The following PRELID2 variants were observed in gnomAD, a reference collection of about 807,000 sequenced individuals.
PRELID2 encodes the protein PRELI domain containing 2.
Under a neutral mutation model 28.4 loss-of-function variants are expected in PRELID2, and 25 were observed. The observed-to-expected ratio is 0.88, with a 90% CI of 0.64 to 1.23. The LOEUF is 1.23. PRELID2 is among the 50% of genes most tolerant of loss of function. The pLI, the probability that PRELID2 is intolerant of heterozygous loss-of-function variation, is 0.00. For missense variants in PRELID2, 201 were observed against 214.4 expected, an observed-to-expected ratio of 0.94 and a Z score of 0.39; for synonymous variants, 76 against 71.6, an observed-to-expected ratio of 1.06 and a Z score of -0.31.
chr5:145,558,266 A>C (rs1242146568), intron 1 of PRELID2, among the ~76,000 whole-genome samples: 1 of 152,268 alleles, frequency 6.6e-6, no homozygotes, highest in Non-Finnish European at 1.5e-5. Context: ...ATAATTAATC[A>C]GAAAAGATAT....
chr5:145,767,233 T>C (rs1757819743), intron 5 of PRELID2, among the ~76,000 whole-genome samples: 1 of 148,228 alleles, frequency 6.7e-6, no homozygotes. Context: ...GAGAAGCAGC[T>C]TGACTTCAGA....
intron 1 of PRELID2, among the ~76,000 whole-genome samples, chr5:145,638,863 TAATGAA>T (rs1477196278): frequency 1.3e-5 from 2 of 152,258 alleles, no homozygotes; most frequent in Non-Finnish European, 2.9e-5. Context: ...TCTTGTTCTG[TAATGAA>T]AATTGGTGTA....
intron 1 of PRELID2, among the ~76,000 whole-genome samples, chr5:145,502,778 G>A (rs1167783841): frequency 1.3e-5 from 2 of 151,706 alleles, no homozygotes; most frequent in African/African-American, 4.8e-5. Flanking sequence ...AGTAGCCATG[G>A]CTATGCTGCC....
chr5:145,475,106 G>A (rs746931958), intron 1 of PRELID2, among the ~76,000 whole-genome samples: 1 of 152,178 alleles, frequency 6.6e-6, no homozygotes, highest in East Asian at 1.9e-4. Flanking sequence ...GACAGGGTAT[G>A]TGCATGTTAT....
chr5:145,456,756 G>A, the PRELID2 span, among the ~76,000 whole-genome samples: 1 of 152,146 alleles, frequency 6.6e-6, no homozygotes, highest in Non-Finnish European at 1.5e-5. Context: ...ATTTATAAAT[G>A]TGGAAATTAA....
the PRELID2 span, among the ~76,000 whole-genome samples, chr5:145,416,085 A>C: frequency 3.3e-5 from 5 of 152,104 alleles, no homozygotes; most frequent in Non-Finnish European, 7.4e-5. Flanking sequence ...TCTTCTTTTG[A>C]GAAGTGTCTG....
chr5:145,552,770 T>A (rs1242549132), intron 1 of PRELID2, among the ~76,000 whole-genome samples: 1 of 152,224 alleles, frequency 6.6e-6, no homozygotes, highest in African/African-American at 2.4e-5. Flanking sequence ...CACAATTGAC[T>A]GTATCATACC....
intron 1 of PRELID2, among the ~76,000 whole-genome samples, chr5:145,610,984 AATAT>A (rs1331076065): frequency 4.7e-5 from 7 of 148,156 alleles, no homozygotes; most frequent in African/African-American, 1.7e-4. Context: ...ATATATTTAT[AATAT>A]ATAAATTAAT....
At chr5:145,833,983 G>C (rs929783012) in intron 1 of PRELID2, among the ~76,000 whole-genome samples, 1 of 152,184 alleles carries the variant, frequency 6.6e-6, no homozygotes, top group African/African-American at 2.4e-5. Context: ...TCAGAGTCCA[G>C]GAGTCCTGCC....
At chr5:145,404,906 G>A in the PRELID2 span, among the ~76,000 whole-genome samples, 2 of 152,142 alleles carry the variant, frequency 1.3e-5, no homozygotes, top group South Asian at 2.1e-4. Flanking sequence ...TCTCTGAATT[G>A]GCTCTGGGGG....
At chr5:145,646,417 C>A (rs774419269) in intron 1 of PRELID2, among the ~76,000 whole-genome samples, 2 of 152,256 alleles carry the variant, frequency 1.3e-5, no homozygotes, top group Non-Finnish European at 2.9e-5. Flanking sequence ...ACTGGTTATT[C>A]TGGTTAGCAA....
chr5:145,352,075 G>A, the PRELID2 span, among the ~76,000 whole-genome samples: 3 of 152,302 alleles, frequency 2.0e-5, no homozygotes, highest in African/African-American at 7.2e-5. Context: ...GGTACATGGT[G>A]TAAGCCGTCA....
the PRELID2 span, among the ~76,000 whole-genome samples, chr5:145,297,061 T>G: frequency 2.1e-4 from 32 of 152,246 alleles, no homozygotes; most frequent in African/African-American, 7.0e-4. Flanking sequence ...CTTGTAAATT[T>G]GTTTGAGTTC....
chr5:145,506,248 T>C (rs773976215), intron 1 of PRELID2, among the ~76,000 whole-genome samples: 4 of 152,220 alleles, frequency 2.6e-5, no homozygotes, highest in Admixed American at 2.0e-4. Flanking sequence ...TGGCTTTCTT[T>C]CTGTTTCTGG....
At chr5:145,597,657 T>A (rs538993721) in intron 1 of PRELID2, among the ~76,000 whole-genome samples, 1 of 152,172 alleles carries the variant, frequency 6.6e-6, no homozygotes, top group Non-Finnish European at 1.5e-5. Context: ...GCATTCTACA[T>A]GTTAAGTCAA....
the PRELID2 span, among the ~76,000 whole-genome samples, chr5:145,451,282 C>A: frequency 6.6e-6 from 1 of 152,158 alleles, no homozygotes; most frequent in Non-Finnish European, 1.5e-5. Context: ...GTCCTCACCA[C>A]TCCAACCCCC....
the PRELID2 span, among the ~76,000 whole-genome samples, chr5:145,419,821 A>G: frequency 2.0e-5 from 3 of 151,904 alleles, no homozygotes; most frequent in Non-Finnish European, 4.4e-5. Flanking sequence ...TATGTCCTGA[A>G]TGGTAATGCC....
intron 1 of PRELID2, among the ~76,000 whole-genome samples, chr5:145,548,240 A>C (rs931365773): frequency 2.0e-5 from 3 of 151,704 alleles, no homozygotes; most frequent in Admixed American, 6.6e-5. Flanking sequence ...CCAGCACCCC[A>C]CCTCCCCTTC....
chr5:145,566,336 C>T (rs377700814), intron 1 of PRELID2, among the ~76,000 whole-genome samples: 6 of 152,280 alleles, frequency 3.9e-5, no homozygotes, highest in South Asian at 2.1e-4. Flanking sequence ...ACTCTTCCAA[C>T]GCCATCAAGA....
Sources: gnomAD v4.1 joint callset for allele counts (sites outside exome capture counted in the v4.1 genomes callset) on GRCh38, gnomAD v4.1.1 for gene constraint, MANE v1.5 for transcripts, NCBI Gene and HGNC (gene_info 2026-07-23, HGNC 2026-07-21) for gene names.